Variants in COG7 observed in about 807,000 individuals in gnomAD.
The protein encoded by COG7 is conserved oligomeric Golgi complex subunit 7.
A neutral mutation model predicts 91.5 loss-of-function variants in COG7; 49 were observed. The ratio of observed to expected loss-of-function variants is 0.54; its 90% CI spans 0.43 to 0.68. COG7 has a LOEUF of 0.68. COG7 is among the 30% of genes least tolerant of loss of function. COG7 has a pLI of 0.00. For synonymous variants in COG7, 365 were observed against 388.7 expected (o/e 0.94, Z 0.72); for missense variants, 895 against 961.3 (o/e 0.93, Z 0.91).
At chr16:23,407,947 A>G (rs1484737274) in intron 11 of COG7, among the ~76,000 whole-genome samples, 1 of 150,882 alleles carries the variant, frequency 6.6e-6, no homozygotes, top group African/African-American at 2.4e-5. Flanking sequence ...AGCAATGAGC[A>G]TACTGGCACA....
At chr16:23,441,537 T>G (rs1295177589) in intron 4 of COG7, among the ~76,000 whole-genome samples, 1 of 152,166 alleles carries the variant, frequency 6.6e-6, no homozygotes, top group Non-Finnish European at 1.5e-5. Flanking sequence ...GTCACGCCAC[T>G]GCACGCCAGC....
rs878958957 is a variant in COG7 at position 23,437,119 on chromosome 16, C to T, written c.605-2401G>A. The stretch of plus-strand genomic sequence containing the variant: ...GGAGGCAGCCTATGGAGCTCAAAAG[C>T]GCCATTTTCGCCTTCTGAATCCATG... On this transcript the variant is annotated intron_variant, in intron 4 of 16. Transcript: ENST00000307149. 3.3e-5 allele frequency among the ~76,000 whole-genome samples: 5 copies of T among 152,236 alleles called. No homozygotes were observed. In the South Asian group the frequency reaches 8.3e-4, roughly 25 times the overall value.
At position 23,403,790 on chromosome 16, in the gene COG7, T is replaced by C. The variant is rs769641191; in HGVS notation, c.1707A>G (p.Ala569=). Residue 569 remains alanine, a synonymous_variant, in exon 13 of 17, where the codon GCA becomes GCG. Coordinates refer to ENST00000307149, the MANE Select transcript of COG7 (RefSeq NM_153603.4). ...CCTGCTGGTTAAGCCGAGTCAGCGC[T>C]GCTCGAGGTGCAGCCAGCAGGTTGT... The part of the protein sequence containing the change: ...SNHNLLAAPR[A]ALTRLNQQAH... The C allele has an allele frequency of 5.0e-6, 8 of 1,614,126 alleles. No individual in the cohort carries two copies. The highest frequency in any genetic ancestry group is 6.8e-6 in the Non-Finnish European group (8 of 1,180,050).
At chr16:23,450,524 G>T (rs1286902959) in intron 1 of COG7, among the ~76,000 whole-genome samples, 1 of 152,116 alleles carries the variant, frequency 6.6e-6, no homozygotes, top group Admixed American at 6.6e-5. Context: ...AGTAAAAGAT[G>T]CAAGGTACAA....
chr16:23,437,888 C>T (rs1964036156), intron 4 of COG7, among the ~76,000 whole-genome samples: 1 of 151,822 alleles, frequency 6.6e-6, no homozygotes, highest in South Asian at 2.1e-4. Context: ...AGATTGAGAC[C>T]ATCCTGGCCA....
rs369690630 is a variant in COG7, at chr16:23,410,593, G to A, written c.1410-233C>T. On this transcript the variant is annotated intron_variant, in intron 10 of 16. Coordinates refer to ENST00000307149, the MANE Select transcript of COG7 (RefSeq NM_153603.4). ...CCATTGTCACTGGCATCTCTGCTAC[G>A]AAAGCACAATTCTATCCATGGCCCC... is the stretch of plus-strand genomic sequence containing the variant. Among the ~76,000 whole-genome samples, 80 of 152,218 alleles carry A rather than the reference G, an allele frequency of 5.3e-4. 1 individual carries two copies. In the South Asian group the frequency reaches 0.015, roughly 29 times the overall value.
At position 23,388,922 on chromosome 16, in the gene COG7, A is replaced by G; in HGVS notation, c.2311T>C (p.Ter771ArgextTer62). 2.5e-6 allele frequency: 4 copies of G among 1,614,018 alleles called. No homozygotes were observed. The highest frequency in any genetic ancestry group is 3.4e-6 in the Non-Finnish European group (4 of 1,179,952). ...TVATMRSVNY[*>R] ...TGGTGGTCCGGTGTGTGGTGGGGTC[A>G]GTAATTCACACTCCGCATGGTGGCC... The change falls in exon 17 of 17, where the codon TGA (stop) becomes CGA (arginine). Residue 771 changes from the stop codon to arginine, a stop_lost. Transcript: ENST00000307149.
Position 23,410,367 on chromosome 16 carries a change from A to G in COG7, c.1410-7T>C. 1 of 1,613,482 alleles carries G rather than the reference A, an allele frequency of 6.2e-7. No individual in the cohort carries two copies. Among genetic ancestry groups the G allele is most frequent in the East Asian group, 2.2e-5 (1 of 44,872 alleles). Reference sequence around the variant, plus strand: ...TCCACAGGTGGCTATTATCCTAAACAAAACAAAAAGCACTTCAAGTTCAAG... The same window carrying G: ...TCCACAGGTGGCTATTATCCTAAACGAAACAAAAAGCACTTCAAGTTCAAG... On this transcript the variant is annotated splice_polypyrimidine_tract_variant and splice_region_variant and intron_variant, in intron 10 of 16. Transcript: ENST00000307149.
At chr16:23,422,614 A>T (rs921232564) in intron 7 of COG7, among the ~76,000 whole-genome samples, 1 of 151,734 alleles carries the variant, frequency 6.6e-6, no homozygotes, top group Non-Finnish European at 1.5e-5. Flanking sequence ...ACTGGAAGCA[A>T]ATAATGTTGT....
intron 9 of COG7, chr16:23,413,901 A>G (rs1963610264): frequency 3.4e-6 from 1 of 293,886 alleles, no homozygotes; most frequent in Admixed American, 4.5e-5. Context: ...CTGTGAAAGC[A>G]GGTTTGAAGA....
intron 14 of COG7, among the ~76,000 whole-genome samples, chr16:23,393,969 G>A (rs1283675608): frequency 6.6e-6 from 1 of 151,738 alleles, no homozygotes; most frequent in Non-Finnish European, 1.5e-5. Context: ...TGAACTCGGC[G>A]GGGGCGGAGG....
chr16:23,389,484 C>G (rs1963154191), intron 16 of COG7, among the ~76,000 whole-genome samples: 1 of 152,086 alleles, frequency 6.6e-6, no homozygotes, highest in South Asian at 2.1e-4. Context: ...CATGCACACA[C>G]CCGCCTTCAG....
intron 1 of COG7, among the ~76,000 whole-genome samples, chr16:23,451,630 G>A (rs774314400): frequency 4.0e-5 from 6 of 151,064 alleles, no homozygotes; most frequent in Non-Finnish European, 7.4e-5. Flanking sequence ...TGAGGCGAGC[G>A]GACTGCTTGA....
At chr16:23,420,729 A>ATTTCTTTTTTCTTCTTCT (rs946723728) in intron 7 of COG7, among the ~76,000 whole-genome samples, 1 of 151,910 alleles carries the variant, frequency 6.6e-6, no homozygotes, top group Non-Finnish European at 1.5e-5. Flanking sequence ...CCAAAGTGTT[A>ATTTCTTTTTTCTTCTTCT]TTTCTTTTTT....
intron 6 of COG7, among the ~76,000 whole-genome samples, chr16:23,425,937 G>A (rs557341394): frequency 1.9e-4 from 29 of 152,272 alleles, no homozygotes; most frequent in African/African-American, 6.5e-4. Context: ...CTATGGGCCA[G>A]GTGTGGTGGC....
intron 5 of COG7, 24 bp downstream of exon 5, chr16:23,434,612 C>A: frequency 6.4e-7 from 1 of 1,563,228 alleles, no homozygotes; most frequent in South Asian, 1.1e-5. Flanking sequence ...AACTGCACAA[C>A]TGTCATCGCG....
chr16:23,418,764 TA>T lies in COG7; in HGVS notation c.1072del (p.Tyr358ThrfsTer3), dbSNP rs1567337479. 3.1e-6 allele frequency: 5 copies of T among 1,613,150 alleles called. No homozygotes were observed. In the South Asian group the frequency reaches 5.5e-5, roughly 18 times the overall value. On this transcript the variant is annotated frameshift_variant, in exon 8 of 17. Coordinates refer to ENST00000307149, the MANE Select transcript of COG7 (RefSeq NM_153603.4). LOFTEE classifies it high-confidence loss of function. The part of the protein sequence containing the change: ...VDAVYDPYKP[Y>X]QLKYGDMEES... ...TTCCATGTCGCCATACTTCAGCTGG[TA>T]GGGTTTGTATGGATCATACACAGCA...
At chr16:23,433,723 G>A (rs1596947065) in intron 5 of COG7, 56 bp from the exon 6 acceptor site, 3 of 1,606,472 alleles carry the variant, frequency 1.9e-6, no homozygotes, top group Non-Finnish European at 8.5e-7. Flanking sequence ...GGTTGCCTGT[G>A]AACACTGCCC....
intron 15 of COG7, 142 bp from the exon 16 acceptor site, chr16:23,392,665 C>A (rs1165824880): frequency 2.1e-6 from 2 of 954,206 alleles, no homozygotes; most frequent in Non-Finnish European, 3.3e-6. Context: ...TGCAGTGGCT[C>A]ATGCCTGTAA....
Sources: gnomAD v4.1 joint callset for allele counts (sites outside exome capture counted in the v4.1 genomes callset) on GRCh38, gnomAD v4.1.1 for gene constraint, MANE v1.5 for transcripts, NCBI Gene and HGNC (gene_info 2026-07-23, HGNC 2026-07-21) for gene names.